ANKS6: variants seen among roughly 807,000 people sequenced by gnomAD.
ANKS6 encodes ankyrin repeat and SAM domain-containing protein 6.
Under a neutral mutation model 77.9 loss-of-function variants are expected in ANKS6, and 47 were observed. The ratio of observed to expected loss-of-function variants is 0.60; its 90% CI spans 0.48 to 0.77. ANKS6 has a LOEUF of 0.77. Among genes scored for constraint, ANKS6 ranks in the 30% least tolerant of loss-of-function variants. The pLI is 0.00. For missense variants in ANKS6, 1,150 were observed against 1,159.1 expected, an observed-to-expected ratio of 0.99 and a Z score of 0.11; for synonymous variants, 488 against 501.7, an observed-to-expected ratio of 0.97 and a Z score of 0.37.
chr9:98,789,889 C>T, intron 2 of ANKS6: 1 of 610,246 alleles, frequency 1.6e-6, no homozygotes, highest in Admixed American at 3.6e-5. Flanking sequence ...GGCTCTTGCC[C>T]AGGGCTACCA....
chr9:98,793,851 T>C (rs892963793), intron 1 of ANKS6, among the ~76,000 whole-genome samples: 4 of 148,688 alleles, frequency 2.7e-5, no homozygotes, highest in Admixed American at 6.6e-5. Context: ...CCTATTATTT[T>C]AAGAACATGA....
At chr9:98,773,815 A>G (rs1833767645) in intron 9 of ANKS6, 62 bp downstream of exon 9, 1 of 1,382,376 alleles carries the variant, frequency 7.2e-7, no homozygotes, top group African/African-American at 1.5e-5. Flanking sequence ...CGCTGCCTGG[A>G]ACACACCATG....
In ANKS6 at chr9:98,783,933, G is replaced by T; in HGVS notation, c.1112+20C>A. ...GCATCTGTCTGGCCTTGTCGCTGAG[G>T]GCGTGGGGCTGGCACTGACCCATGG... On this transcript the variant is annotated intron_variant, in intron 4 of 14. Coordinates refer to ENST00000353234, the MANE Select transcript of ANKS6 (RefSeq NM_173551.5). The T allele has an allele frequency of 6.5e-7, 1 of 1,539,590 alleles. No individual in the cohort carries two copies. The highest frequency in any genetic ancestry group is 1.2e-5 in the South Asian group (1 of 81,686).
chr9:98,786,812 G>T (rs1323047707), intron 2 of ANKS6, among the ~76,000 whole-genome samples: 2 of 152,196 alleles, frequency 1.3e-5, no homozygotes, highest in Non-Finnish European at 2.9e-5. Flanking sequence ...AGTGTTGGCT[G>T]CTAAGCAACC....
Position 98,733,385 on chromosome 9 carries a change from A to G in ANKS6, c.*3134T>C. The stretch of plus-strand genomic sequence containing the variant: ...AACAATGCCCTCCACCCTGCAGGAG[A>G]GCTCAGGGTGGAGCCTCAGCTCAAT... On this transcript the variant is annotated 3_prime_UTR_variant, in exon 15 of 15. Transcript: ENST00000353234. 1.0e-6 allele frequency: 1 copy of G among 985,336 alleles called. No homozygotes were observed. 61.0% of individuals were successfully genotyped at this position (985,336 alleles called of 1,614,324 possible).
chr9:98,765,732 G>A (rs1321217738), intron 11 of ANKS6, among the ~76,000 whole-genome samples: 2 of 152,116 alleles, frequency 1.3e-5, no homozygotes, highest in East Asian at 1.9e-4. Context: ...ACACTCTAAC[G>A]CCACCTATGC....
chr9:98,767,973 C>A, intron 11 of ANKS6, 108 bp downstream of exon 11: 1 of 1,425,922 alleles, frequency 7.0e-7, no homozygotes, highest in Admixed American at 2.3e-5. Context: ...AGGGGCCTGT[C>A]TTTAGTCCTG....
At chr9:98,751,257 G>C (rs922962263) in intron 12 of ANKS6, among the ~76,000 whole-genome samples, 161 bp from the exon 13 acceptor site, 1 of 152,164 alleles carries the variant, frequency 6.6e-6, no homozygotes, top group Non-Finnish European at 1.5e-5. Flanking sequence ...GATGAGGCTG[G>C]AGGTGGGTCC....
At chr9:98,744,394 C>T (rs1411914861) in intron 14 of ANKS6, among the ~76,000 whole-genome samples, 7 of 152,132 alleles carry the variant, frequency 4.6e-5, no homozygotes, top group East Asian at 1.9e-4. Flanking sequence ...CTCGGTTTAG[C>T]GTCTCCCTCC....
intron 8 of ANKS6, among the ~76,000 whole-genome samples, chr9:98,774,699 C>T (rs1833832024): frequency 1.3e-5 from 2 of 152,212 alleles, no homozygotes; most frequent in Admixed American, 6.5e-5. Context: ...CTGCTGCTGA[C>T]ATTTAATTGT....
intron 12 of ANKS6, among the ~76,000 whole-genome samples, chr9:98,753,325 C>T (rs1039001899): frequency 1.3e-5 from 2 of 152,138 alleles, no homozygotes; most frequent in African/African-American, 2.4e-5. Context: ...CAAAGACTTA[C>T]GTTGGAACTT....
At chr9:98,749,453 C>A (rs1269455219) in intron 13 of ANKS6, among the ~76,000 whole-genome samples, 2 of 152,224 alleles carry the variant, frequency 1.3e-5, no homozygotes, top group African/African-American at 4.8e-5. Context: ...CTGAAACATA[C>A]CCCCGTTCCC....
intron 8 of ANKS6, among the ~76,000 whole-genome samples, chr9:98,774,541 A>C (rs1717504085): frequency 2.0e-5 from 3 of 152,100 alleles, no homozygotes; most frequent in Non-Finnish European, 4.4e-5. Context: ...TGGAACCTAG[A>C]GGAGCAGGAC....
rs184093014 is a variant in ANKS6 at position 98,746,087 on chromosome 9, G to C, written c.2395-412C>G. 801 of 169,974 alleles carry C rather than the reference G, an allele frequency of 4.7e-3. 6 individuals carry two copies. The highest frequency in any genetic ancestry group is 0.018 in the African/African-American group (746 of 42,000). The allele number at this position is 169,974 out of a possible 1,614,324, so 10.5% of individuals were successfully genotyped here. On this transcript the variant is annotated intron_variant, in intron 13 of 14. Coordinates refer to ENST00000353234, the MANE Select transcript of ANKS6 (RefSeq NM_173551.5). ...CATCTCCCTCACCACGCACGAGACA[G>C]AGACAGACTGTGGAAAGAGAGTGAG...
In ANKS6 at chr9:98,756,326, T is replaced by C. The variant is rs544663515; in HGVS notation, c.2326+94A>G. On this transcript the variant is annotated intron_variant, in intron 12 of 14. Transcript: ENST00000353234. ...AATCTTCTTAAAACCTGACCTAGGA[T>C]GGTTATAGCAATTAAGGTCACCTTG... 2,853 of 1,358,322 alleles carry C rather than the reference T, an allele frequency of 2.1e-3. 8 individuals carry two copies. The highest frequency in any genetic ancestry group is 2.5e-3 in the Non-Finnish European group (2,497 of 997,452). 84.1% of individuals were successfully genotyped at this position (1,358,322 alleles called of 1,614,324 possible).
intron 8 of ANKS6, among the ~76,000 whole-genome samples, chr9:98,776,830 C>T (rs1259908305): frequency 6.6e-6 from 1 of 152,182 alleles, no homozygotes; most frequent in Non-Finnish European, 1.5e-5. Flanking sequence ...AAGAGGTGAC[C>T]TGAGAAACAG....
chr9:98,756,507 T>C lies in ANKS6; in HGVS notation c.2239A>G (p.Thr747Ala). The C allele has an allele frequency of 1.2e-6, 2 of 1,611,490 alleles. No individual in the cohort carries two copies. The highest frequency in any genetic ancestry group is 1.7e-6 in the Non-Finnish European group (2 of 1,178,940). The stretch of plus-strand genomic sequence containing the variant: ...GAGGAAGACACTGAGGACTCTGCAG[T>C]GTGCCCTTTGGGTGAGGGGGAGGGC... The part of the protein sequence containing the change: ...LTPSPSPKGH[T>A]AESSVSSSSS... Residue 747 changes from threonine (T) to alanine (A), a missense_variant, in exon 12 of 15, where the codon ACT (threonine) becomes GCT (alanine). By Grantham distance (58) the Thr-to-Ala change is moderately conservative. Coordinates refer to ENST00000353234, the MANE Select transcript of ANKS6 (RefSeq NM_173551.5).
intron 14 of ANKS6, among the ~76,000 whole-genome samples, chr9:98,743,651 T>C (rs1246726374): frequency 6.6e-6 from 1 of 152,184 alleles, no homozygotes. Context: ...ACTGAGGCAG[T>C]TGGAGACCCT....
intron 13 of ANKS6, among the ~76,000 whole-genome samples, chr9:98,748,588 C>A (rs745418194): frequency 1.1e-4 from 16 of 152,158 alleles, no homozygotes; most frequent in Admixed American, 1.0e-3. Flanking sequence ...TTTGCAGTCT[C>A]CTTCCATCCT....
Sources: gnomAD v4.1 joint callset for allele counts (sites outside exome capture counted in the v4.1 genomes callset) on GRCh38, gnomAD v4.1.1 for gene constraint, MANE v1.5 for transcripts, NCBI Gene and HGNC (gene_info 2026-07-23, HGNC 2026-07-21) for gene names.